Variants in SEMA6D observed in about 807,000 individuals in gnomAD.
SEMA6D encodes the protein semaphorin 6D.
In SEMA6D, 35 loss-of-function variants were observed where a neutral mutation model predicts 106.6. The ratio of observed to expected loss-of-function variants is 0.33; its 90% confidence interval spans 0.25 to 0.44. The LOEUF (loss-of-function observed/expected upper bound fraction) is 0.44. Ranked by LOEUF, SEMA6D falls within the 20% of genes least tolerant of loss-of-function variation. The probability of loss-of-function intolerance (pLI) is 1.00; values close to 1 mark genes in which losing one functional copy is unlikely to be tolerated. For synonymous variants in SEMA6D, 499 were observed against 487.7 expected, an observed-to-expected ratio of 1.02 and a Z score of -0.31; for missense variants, 1,185 against 1,345.9, an observed-to-expected ratio of 0.88 and a Z score of 1.87.
intron 2 of SEMA6D, among the ~76,000 whole-genome samples, chr15:47,436,518 T>C (rs954781013): frequency 6.6e-6 from 1 of 151,172 alleles, no homozygotes; most frequent in African/African-American, 2.4e-5. Flanking sequence ...GACACTAAAT[T>C]ACTAATATAT....
intron 1 of SEMA6D, among the ~76,000 whole-genome samples, chr15:47,324,916 A>T (rs1004223737): frequency 2.6e-5 from 4 of 151,938 alleles, no homozygotes; most frequent in Non-Finnish European, 5.9e-5. Context: ...GTTTAACCTC[A>T]TTTTTTAAAG....
intron 1 of SEMA6D, chr15:47,397,885 T>A (rs991303371): frequency 1.3e-5 from 2 of 152,214 alleles, no homozygotes; most frequent in African/African-American, 4.8e-5. Flanking sequence ...CCATTGCTGT[T>A]TTTTCATTTC....
intron 1 of SEMA6D, among the ~76,000 whole-genome samples, chr15:47,759,078 C>A (rs938920867): frequency 6.6e-6 from 1 of 152,116 alleles, no homozygotes; most frequent in Admixed American, 6.6e-5. Context: ...GCCACTTCAT[C>A]CCTGCCTTGC....
At chr15:47,676,986 A>G (rs1217704179) in intron 4 of SEMA6D, among the ~76,000 whole-genome samples, 1 of 152,126 alleles carries the variant, frequency 6.6e-6, no homozygotes, top group Admixed American at 6.5e-5. Flanking sequence ...ATCAGGCATT[A>G]GATTCTCATA....
intron 1 of SEMA6D, among the ~76,000 whole-genome samples, chr15:47,269,112 A>C (rs976750146): frequency 6.6e-6 from 1 of 152,114 alleles, no homozygotes; most frequent in African/African-American, 2.4e-5. Flanking sequence ...GAAGTTTTCT[A>C]TATTATGTTT....
At chr15:47,356,387 A>T (rs1009447970) in intron 1 of SEMA6D, among the ~76,000 whole-genome samples, 3 of 152,214 alleles carry the variant, frequency 2.0e-5, no homozygotes, top group African/African-American at 7.2e-5. Flanking sequence ...TTAAAACATG[A>T]GAAGTGCCCC....
chr15:47,304,184 C>T (rs2036134180), intron 1 of SEMA6D, among the ~76,000 whole-genome samples: 3 of 152,048 alleles, frequency 2.0e-5, no homozygotes, highest in African/African-American at 4.8e-5. Context: ...GTTTCTTAGC[C>T]GGGCACAGTG....
At chr15:47,201,919 T>TA (rs1413300148) in intron 1 of SEMA6D, among the ~76,000 whole-genome samples, 2 of 152,058 alleles carry the variant, frequency 1.3e-5, no homozygotes, top group Non-Finnish European at 2.9e-5. Context: ...CTTTGCCTAA[T>TA]AAAAAACCTC....
chr15:47,499,921 C>T (rs1357983453), intron 3 of SEMA6D, among the ~76,000 whole-genome samples: 1 of 129,188 alleles, frequency 7.7e-6, no homozygotes, highest in African/African-American at 2.7e-5. Flanking sequence ...GTACTCCTAC[C>T]CATGGAGGTT....
At chr15:47,495,877 A>G (rs144458581) in intron 3 of SEMA6D, among the ~76,000 whole-genome samples, 6 of 152,160 alleles carry the variant, frequency 3.9e-5, no homozygotes, top group East Asian at 1.9e-4. Flanking sequence ...CATTGAACAT[A>G]CAAGTATTTT....
At chr15:47,185,448 G>T (rs942617678) in intron 1 of SEMA6D, among the ~76,000 whole-genome samples, 3 of 152,112 alleles carry the variant, frequency 2.0e-5, no homozygotes, top group Non-Finnish European at 4.4e-5. Context: ...GCTTTCTCTT[G>T]CTAGCACCTG....
rs547336870 is a variant in SEMA6D at position 47,244,732 on chromosome 15, T to G, written c.-239+60314T>G. Among the ~76,000 whole-genome samples the G allele has an allele frequency of 9.2e-5, 14 of 152,280 alleles. 1 individual carries two copies. The South Asian group carries it at 2.9e-3, about 32-fold the overall frequency. ...TTATTTTAGATTCAGGGGGTATATG[T>G]GCATGTTTGATACATGGGTATATTG... is the stretch of plus-strand genomic sequence containing the variant. On this transcript the variant is annotated intron_variant, in intron 1 of 19. Transcript: ENST00000558014.
chr15:47,442,781 CAG>C (rs1229412340), intron 2 of SEMA6D, among the ~76,000 whole-genome samples: 2 of 152,048 alleles, frequency 1.3e-5, no homozygotes, highest in African/African-American at 4.8e-5. Context: ...TGCACCATGA[CAG>C]AGTCACCTTT....
chr15:47,602,535 T>A (rs938658466), intron 4 of SEMA6D, among the ~76,000 whole-genome samples: 2 of 139,304 alleles, frequency 1.4e-5, no homozygotes, highest in African/African-American at 6.3e-5. Flanking sequence ...CAGGTAGACT[T>A]TTTTTTTTTT....
chr15:47,217,666 G>A lies in SEMA6D; in HGVS notation c.-239+33248G>A, dbSNP rs530231115. Among the ~76,000 whole-genome samples the A allele has an allele frequency of 1.3e-3, 202 of 151,666 alleles. 1 individual carries two copies. The highest frequency in any genetic ancestry group is 4.7e-3 in the African/African-American group (196 of 41,308). ...AAATACAGACAAAATTATAGGCAGTGTGAGATGTTTAGCTTTCATTTTACA... is the reference window on the plus strand; with the variant it reads ...AAATACAGACAAAATTATAGGCAGTATGAGATGTTTAGCTTTCATTTTACA... On this transcript the variant is annotated intron_variant, in intron 1 of 19. Coordinates refer to the SEMA6D transcript ENST00000558014.
intron 4 of SEMA6D, among the ~76,000 whole-genome samples, chr15:47,605,607 A>G (rs1292380565): frequency 6.6e-6 from 1 of 152,150 alleles, no homozygotes; most frequent in East Asian, 1.9e-4. Context: ...CCCAACTCGG[A>G]CATTTCCCCA....
At chr15:47,693,272 C>G (rs564367789) in intron 4 of SEMA6D, among the ~76,000 whole-genome samples, 2 of 152,238 alleles carry the variant, frequency 1.3e-5, no homozygotes, top group Non-Finnish European at 1.5e-5. Flanking sequence ...AGCCCTGGAA[C>G]AGACTCTTCC....
Position 47,773,840 on chromosome 15 carries a change from A to G in SEMA6D, c.*2055A>G, listed in dbSNP as rs780470392. ...AAACGTGTTTGAATTCACCTTACCAATATTAATCCCAGCGTGTGTAAAACA... is the reference window on the plus strand; with the variant it reads ...AAACGTGTTTGAATTCACCTTACCAGTATTAATCCCAGCGTGTGTAAAACA... On this transcript the variant is annotated 3_prime_UTR_variant, in exon 19 of 19. Coordinates refer to ENST00000536845, the MANE Select transcript of SEMA6D (RefSeq NM_001358351.3). The G allele has an allele frequency of 1.2e-4, 19 of 152,614 alleles. No homozygotes were observed. Among genetic ancestry groups the G allele is most frequent in the Non-Finnish European group, 2.4e-4 (16 of 68,044 alleles). The allele number at this position is 152,614 out of a possible 1,614,324, so 9.5% of individuals were successfully genotyped here.
intron 4 of SEMA6D, among the ~76,000 whole-genome samples, chr15:47,601,762 G>C (rs2076664272): frequency 6.6e-6 from 1 of 152,178 alleles, no homozygotes; most frequent in African/African-American, 2.4e-5. Context: ...AATAGAGAAA[G>C]CTATCATTGT....
Sources: gnomAD v4.1 joint callset for allele counts (sites outside exome capture counted in the v4.1 genomes callset) on GRCh38, gnomAD v4.1.1 for gene constraint, MANE v1.5 for transcripts, NCBI Gene and HGNC (gene_info 2026-07-23, HGNC 2026-07-21) for gene names.